CYB5D1: variants seen among roughly 807,000 people sequenced by gnomAD.
CYB5D1 encodes cytochrome b5 domain containing 1, also known as cytochrome b5 domain-containing protein 1.
A neutral mutation model predicts 24.3 loss-of-function variants in CYB5D1; 30 were observed. The ratio of observed to expected loss-of-function variants is 1.23; its 90% CI spans 0.92 to 1.67. CYB5D1 has a LOEUF of 1.67. Ranked by LOEUF, CYB5D1 falls within the 40% of genes most tolerant of loss-of-function variation. CYB5D1 has a pLI of 0.00. For missense variants in CYB5D1, 265 were observed against 296.7 expected (o/e 0.89, Z 0.79); for synonymous variants, 128 against 123.2 (o/e 1.04, Z -0.26).
rs142593554 is a variant in CYB5D1, at chr17:7,858,745, A to G, written c.377A>G (p.Tyr126Cys). ...AAGCCCTGGTGGCAGGGGTCGTATTATGAGGTGGGGCGGCTGTCTGCCAAG... is the reference window on the plus strand; with the variant it reads ...AAGCCCTGGTGGCAGGGGTCGTATTGTGAGGTGGGGCGGCTGTCTGCCAAG... ...FGKPWWQGSY[Y>C]EVGRLSAKTR... Residue 126 changes from tyrosine (Y) to cysteine (C), a missense_variant, in exon 3 of 4, where the codon TAT becomes TGT. Coordinates refer to ENST00000332439, the MANE Select transcript of CYB5D1 (RefSeq NM_144607.6). 16 of 1,603,356 alleles carry G rather than the reference A, an allele frequency of 1.0e-5. No individual in the cohort carries two copies. The African/African-American group carries it at 2.0e-4, about 20-fold the overall frequency.
chr17:7,859,671 G>C lies in CYB5D1; in HGVS notation c.*59G>C. 1.3e-6 allele frequency: 2 copies of C among 1,544,410 alleles called. No individual in the cohort carries two copies. The highest frequency in any genetic ancestry group is 1.8e-6 in the Non-Finnish European group (2 of 1,120,004). ...GTATTTCGAGTTTGGCTTTTTCTGT[G>C]CCTTGAGGAAAAGTGGTGGGGCCGA... On this transcript the variant is annotated 3_prime_UTR_variant, in exon 4 of 4. Transcript: ENST00000332439.
rs752190170 is a variant in CYB5D1, at chr17:7,859,623, G to A, written c.*11G>A. ...CTCACGGAGTTGTAGGCAAGGAGAT[G>A]TACACTCGTGTAGACTCAAGACGTA... is the stretch of plus-strand genomic sequence containing the variant. On this transcript the variant is annotated 3_prime_UTR_variant, in exon 4 of 4. Transcript: ENST00000332439. 18 of 1,611,532 alleles carry A rather than the reference G, an allele frequency of 1.1e-5. No individual in the cohort carries two copies. Among genetic ancestry groups the A allele is most frequent in the Non-Finnish European group, 1.5e-5 (18 of 1,177,846 alleles).
rs2078870524 is a variant in CYB5D1 at position 7,859,927 on chromosome 17, G to T, written c.*315G>T. On this transcript the variant is annotated 3_prime_UTR_variant, in exon 4 of 4. Transcript: ENST00000332439. ...AGTTAAGAGAGAGTAGTTCTACAGGGGTGAGGGATGGAAGGACTTTTTTGG... is the reference window on the plus strand; with the variant it reads ...AGTTAAGAGAGAGTAGTTCTACAGGTGTGAGGGATGGAAGGACTTTTTTGG... 1 of 296,082 alleles carries T rather than the reference G, an allele frequency of 3.4e-6. No individual in the cohort carries two copies. The allele number at this position is 296,082 out of a possible 1,614,324, so 18.3% of individuals were successfully genotyped here. A position where few individuals can be genotyped will look rare whatever the true frequency, so the allele number is the denominator to read the frequency against.
intron 2 of CYB5D1, 61 bp from the exon 3 acceptor site, chr17:7,858,545 C>T (rs1395339964): frequency 1.9e-6 from 3 of 1,613,156 alleles, no homozygotes; most frequent in East Asian, 4.5e-5. Context: ...GAAGGAAAGG[C>T]GGAGGCTAGC....
Position 7,858,188 on chromosome 17 carries a change from C to T in CYB5D1, c.54C>T (p.Arg18=). The T allele has an allele frequency of 3.7e-6, 6 of 1,613,940 alleles. No homozygotes were observed. The highest frequency in any genetic ancestry group is 5.1e-6 in the Non-Finnish European group (6 of 1,180,014). Residue 18 remains arginine, a synonymous_variant, in exon 1 of 4, where the codon CGC becomes CGT. Coordinates refer to ENST00000332439, the MANE Select transcript of CYB5D1 (RefSeq NM_144607.6). ...CAGACTTGGAGTATTTTCAGCGTCG[C>T]TATTTCACGCCGGCGGAGGTGGCCC... ...AGPDLEYFQR[R]YFTPAEVAQH...
chr17:7,858,183 C>T lies in CYB5D1; in HGVS notation c.49C>T (p.Arg17Cys), dbSNP rs1308519307. 3 of 1,613,864 alleles carry T rather than the reference C, an allele frequency of 1.9e-6. No homozygotes were observed. Among genetic ancestry groups the T allele is most frequent in the Admixed American group, 1.7e-5 (1 of 60,018 alleles). ...VAGPDLEYFQ[R>C]RYFTPAEVAQ... ...TGGGCCAGACTTGGAGTATTTTCAG[C>T]GTCGCTATTTCACGCCGGCGGAGGT... The change falls in exon 1 of 4, where the codon CGT becomes TGT. Residue 17 changes from arginine to cysteine, a missense_variant. Coordinates refer to ENST00000332439, the MANE Select transcript of CYB5D1 (RefSeq NM_144607.6).
chr17:7,858,624 C>G lies in CYB5D1; in HGVS notation c.256C>G (p.Pro86Ala), dbSNP rs2078854808. Reference protein sequence around the residue: ...KTRDIRKHIDPLTGCLRYCTP... With the variant: ...KTRDIRKHIDALTGCLRYCTP... ...TTTAAAGATCCGCAAGCACATAGAT[C>G]CGCTGACCGGCTGCCTGAGGTACTG... The change falls in exon 3 of 4, where the codon CCG becomes GCG. Residue 86 changes from proline to alanine, a missense_variant. Transcript: ENST00000332439. 1.2e-6 allele frequency: 2 copies of G among 1,604,842 alleles called. No homozygotes were observed. The highest frequency in any genetic ancestry group is 1.3e-5 in the African/African-American group (1 of 74,778).
rs1413810956 is a variant in CYB5D1 at position 7,859,616 on chromosome 17, A to G, written c.*4A>G. On this transcript the variant is annotated 3_prime_UTR_variant, in exon 4 of 4. Coordinates refer to ENST00000332439, the MANE Select transcript of CYB5D1 (RefSeq NM_144607.6). The stretch of plus-strand genomic sequence containing the variant: ...TGATGATCTCACGGAGTTGTAGGCA[A>G]GGAGATGTACACTCGTGTAGACTCA... 2 of 1,613,388 alleles carry G rather than the reference A, an allele frequency of 1.2e-6. No homozygotes were observed. The highest frequency in any genetic ancestry group is 2.7e-5 in the African/African-American group (2 of 74,906).
chr17:7,859,266 CG>C, intron 3 of CYB5D1, 115 bp from the exon 4 acceptor site: 2 of 771,416 alleles, frequency 2.6e-6, no homozygotes, highest in Admixed American at 2.7e-5. Flanking sequence ...TTTTTTTTCC[CG>C]GGGCCGTAGA....
In CYB5D1 at chr17:7,860,178, G is replaced by C. The variant is rs1195140586; in HGVS notation, c.*566G>C. On this transcript the variant is annotated 3_prime_UTR_variant, in exon 4 of 4. Transcript: ENST00000332439. ...TTTTTTTGCCCCCAACAAAGAGAAGGGGTCTTGCTCTGTCACCCAGTCTGG... is the reference window on the plus strand; with the variant it reads ...TTTTTTTGCCCCCAACAAAGAGAAGCGGTCTTGCTCTGTCACCCAGTCTGG... 6.4e-6 allele frequency: 1 copy of C among 155,150 alleles called. No homozygotes were observed. The highest frequency in any genetic ancestry group is 2.4e-5 in the African/African-American group (1 of 41,316). 9.6% of individuals were successfully genotyped at this position (155,150 alleles called of 1,614,324 possible). A position where few individuals can be genotyped will look rare whatever the true frequency, so the allele number is the denominator to read the frequency against.
In CYB5D1 at chr17:7,858,487, A is replaced by T. The variant is rs1411996293; in HGVS notation, c.237+8A>T. On this transcript the variant is annotated splice_region_variant and intron_variant, in intron 2 of 3. Coordinates refer to ENST00000332439, the MANE Select transcript of CYB5D1 (RefSeq NM_144607.6). ...GATCCAAAGACCAGAGACGTGAGTT[A>T]TGCTGGAACCTGGGATTGTGGGTAG... The T allele has an allele frequency of 6.2e-7, 1 of 1,614,180 alleles. No individual in the cohort carries two copies. The highest frequency in any genetic ancestry group is 1.1e-5 in the South Asian group (1 of 91,080).
rs1376769645 is a variant in CYB5D1, at chr17:7,862,104, T to A, written c.*2492T>A. On this transcript the variant is annotated 3_prime_UTR_variant, in exon 4 of 4. Transcript: ENST00000332439. ...GGTCAAGACTTTCTGATAAATCAGT[T>A]AGCACCATGCATTTTCCAGAGTTTT... is the stretch of plus-strand genomic sequence containing the variant. 7 of 152,246 alleles carry A rather than the reference T, an allele frequency of 4.6e-5. No individual in the cohort carries two copies. Among genetic ancestry groups the A allele is most frequent in the Admixed American group, 4.6e-4 (7 of 15,286 alleles). The allele number at this position is 152,246 out of a possible 1,614,324, so 9.4% of individuals were successfully genotyped here. A position where few individuals can be genotyped will look rare whatever the true frequency, so the allele number is the denominator to read the frequency against.
rs1005940779 is a variant in CYB5D1 at position 7,861,102 on chromosome 17, G to C, written c.*1490G>C. The C allele has an allele frequency of 6.6e-6, 1 of 152,152 alleles. No homozygotes were observed. The highest frequency in any genetic ancestry group is 1.5e-5 in the Non-Finnish European group (1 of 68,034). The allele number at this position is 152,152 out of a possible 1,614,324, so 9.4% of individuals were successfully genotyped here. A position where few individuals can be genotyped will look rare whatever the true frequency, so the allele number is the denominator to read the frequency against. ...GAACCACTATTGGGGGTAATGGCTA[G>C]ATTTGGTCTCCTTTAACTTAAGGAG... On this transcript the variant is annotated 3_prime_UTR_variant, in exon 4 of 4. Coordinates refer to ENST00000332439, the MANE Select transcript of CYB5D1 (RefSeq NM_144607.6).
Position 7,858,420 on chromosome 17 carries a change from CCCAT to C in CYB5D1, c.180_183del (p.Ile61TrpfsTer23). 1 of 1,614,142 alleles carries C rather than the reference CCCAT, an allele frequency of 6.2e-7. No homozygotes were observed. The highest frequency in any genetic ancestry group is 8.5e-7 in the Non-Finnish European group (1 of 1,180,040). Reference sequence around the variant, plus strand: ...TTTTCAAGGGAACCTGCTGCTGAAACCCATCGTGGAAGTTGCAGGCCAGGATATC... The same window carrying C: ...TTTTCAAGGGAACCTGCTGCTGAAACCGTGGAAGTTGCAGGCCAGGATATC... On this transcript the variant is annotated frameshift_variant, in exon 2 of 4. Coordinates refer to ENST00000332439, the MANE Select transcript of CYB5D1 (RefSeq NM_144607.6). LOFTEE classifies it high-confidence loss of function.
intron 3 of CYB5D1, 93 bp downstream of exon 3, chr17:7,858,917 G>C: frequency 1.7e-6 from 2 of 1,177,774 alleles, no homozygotes; most frequent in African/African-American, 3.1e-5. Flanking sequence ...TTCCATAACC[G>C]GTGGGAGTGT....
Position 7,859,774 on chromosome 17 carries a change from T to G in CYB5D1, c.*162T>G. ...TCTGAAGTGTAAAGGCCCTATTCCCTGCCTTCATTACAGTTTGCTCTGAGA... is the reference window on the plus strand; with the variant it reads ...TCTGAAGTGTAAAGGCCCTATTCCCGGCCTTCATTACAGTTTGCTCTGAGA... On this transcript the variant is annotated 3_prime_UTR_variant, in exon 4 of 4. Transcript: ENST00000332439. 1 of 619,260 alleles carries G rather than the reference T, an allele frequency of 1.6e-6. No homozygotes were observed. Among genetic ancestry groups the G allele is most frequent in the South Asian group, 1.9e-5 (1 of 51,474 alleles). 38.4% of individuals were successfully genotyped at this position (619,260 alleles called of 1,614,324 possible). A position where few individuals can be genotyped will look rare whatever the true frequency, so the allele number is the denominator to read the frequency against.
At position 7,859,569 on chromosome 17, in the gene CYB5D1, C is replaced by CT. The variant is rs2078867667; in HGVS notation, c.645dup (p.Ala216CysfsTer8). ...AGTATGGACGGTACACTTCACACAC[C>CT]TGCAATACTTCTGTACTTCAATGAT... On this transcript the variant is annotated frameshift_variant, in exon 4 of 4. Transcript: ENST00000332439. LOFTEE classifies it high-confidence loss of function. 1 of 1,614,158 alleles carries CT rather than the reference C, an allele frequency of 6.2e-7. No homozygotes were observed. The highest frequency in any genetic ancestry group is 2.2e-5 in the East Asian group (1 of 44,890).
chr17:7,860,309 G>C lies in CYB5D1; in HGVS notation c.*697G>C, dbSNP rs1355097631. 1 of 152,070 alleles carries C rather than the reference G, an allele frequency of 6.6e-6. No homozygotes were observed. Among genetic ancestry groups the C allele is most frequent in the Admixed American group, 6.6e-5 (1 of 15,252 alleles). 9.4% of individuals were successfully genotyped at this position (152,070 alleles called of 1,614,324 possible). On this transcript the variant is annotated 3_prime_UTR_variant, in exon 4 of 4. Transcript: ENST00000332439. Reference sequence around the variant, plus strand: ...TGGGACTTCAGGTGCACGCCACAATGCCTAATTTTTTAATTTTTTGTAGAC... The same window carrying C: ...TGGGACTTCAGGTGCACGCCACAATCCCTAATTTTTTAATTTTTTGTAGAC...
Position 7,861,408 on chromosome 17 carries a change from T to C in CYB5D1, c.*1796T>C, listed in dbSNP as rs1025085276. The C allele has an allele frequency of 6.6e-6, 1 of 152,190 alleles. No homozygotes were observed. Among genetic ancestry groups the C allele is most frequent in the African/African-American group, 2.4e-5 (1 of 41,446 alleles). 9.4% of individuals were successfully genotyped at this position (152,190 alleles called of 1,614,324 possible). A position where few individuals can be genotyped will look rare whatever the true frequency, so the allele number is the denominator to read the frequency against. ...ATGGAATGCAGGAGTCCATGAATTATCTAAATCGATCATTTTGATCTTTAA... is the reference window on the plus strand; with the variant it reads ...ATGGAATGCAGGAGTCCATGAATTACCTAAATCGATCATTTTGATCTTTAA... On this transcript the variant is annotated 3_prime_UTR_variant, in exon 4 of 4. Coordinates refer to ENST00000332439, the MANE Select transcript of CYB5D1 (RefSeq NM_144607.6).
Sources: allele counts gnomAD v4.1 joint callset, GRCh38; gene constraint gnomAD v4.1.1; transcripts MANE v1.5; gene names NCBI Gene and HGNC (gene_info 2026-07-23, HGNC 2026-07-21).